LRP5: variants seen among roughly 807,000 people sequenced by gnomAD.
LRP5 encodes low-density lipoprotein receptor-related protein 5.
A neutral mutation model predicts 154.1 loss-of-function variants in LRP5; 62 were observed. That is an observed-to-expected ratio of 0.40 (90% CI 0.33 to 0.50). The LOEUF (loss-of-function observed/expected upper bound fraction) is 0.50. Among genes scored for constraint, LRP5 ranks in the 20% least tolerant of loss-of-function variants. The pLI, the probability that LRP5 is intolerant of heterozygous loss-of-function variation, is 0.55. For missense variants in LRP5, 1,915 were observed against 2,336.7 expected (o/e 0.82, Z 3.72); for synonymous variants, 966 against 1,011.5 (o/e 0.96, Z 0.85).
intron 1 of LRP5, among the ~76,000 whole-genome samples, chr11:68,322,925 G>A (rs1250191368): frequency 6.6e-6 from 1 of 152,240 alleles, no homozygotes; most frequent in Non-Finnish European, 1.5e-5. Flanking sequence ...CCGGGTCCAC[G>A]TGGTACCCAC....
chr11:68,306,682 C>T, the LRP5 span, among the ~76,000 whole-genome samples: 1 of 152,218 alleles, frequency 6.6e-6, no homozygotes, highest in Non-Finnish European at 1.5e-5. Flanking sequence ...ATGTCAACTC[C>T]TTCATCTGCA....
At chr11:68,444,465 C>T (rs543239901) in intron 21 of LRP5, among the ~76,000 whole-genome samples, 83 of 152,074 alleles carry the variant, frequency 5.5e-4, no homozygotes, top group African/African-American at 1.9e-3. Context: ...TGTAGTGAGC[C>T]GAGATCATGC....
Position 68,342,737 on chromosome 11 carries a change from GC to G in LRP5, c.92-5108del, listed in dbSNP as rs1648181155. ...CTGCCGCTCCTGCCCGGCTCTCCTG[GC>G]CTCCCCCGGTGTGGGTTGGGAAAAG... On this transcript the variant is annotated intron_variant, in intron 1 of 22. Transcript: ENST00000294304. Among the ~76,000 whole-genome samples the G allele has an allele frequency of 3.3e-5, 5 of 152,222 alleles. No homozygotes were observed. The South Asian group carries it at 1.0e-3, about 31-fold the overall frequency.
intron 13 of LRP5, among the ~76,000 whole-genome samples, chr11:68,422,898 C>T (rs2098666627): frequency 6.6e-6 from 1 of 151,794 alleles, no homozygotes; most frequent in Non-Finnish European, 1.5e-5. Context: ...TCACCTAACC[C>T]CCACCCTCAC....
chr11:68,439,597 C>T (rs1462532691), intron 20 of LRP5, among the ~76,000 whole-genome samples, 180 bp from the exon 21 acceptor site: 1 of 152,180 alleles, frequency 6.6e-6, no homozygotes, highest in Admixed American at 6.5e-5. Context: ...CCCCGGGGAG[C>T]TCACTCTAGT....
At chr11:68,414,735 T>C (rs2098661550) in intron 12 of LRP5, among the ~76,000 whole-genome samples, 1 of 152,164 alleles carries the variant, frequency 6.6e-6, no homozygotes, top group African/African-American at 2.4e-5. Flanking sequence ...CCAGGCCCCG[T>C]TGGAGTCTCA....
Position 68,413,773 on chromosome 11 carries a change from G to A in LRP5, c.2588G>A (p.Trp863Ter). 6.2e-7 allele frequency: 1 copy of A among 1,613,342 alleles called. No homozygotes were observed. Among genetic ancestry groups the A allele is most frequent in the Non-Finnish European group, 8.5e-7 (1 of 1,179,554 alleles). ...AGCGATTATATCTACTGGACAGACT[G>A]GAATCTGCACAGCATTGAGCGGGCC... ...QYSDYIYWTD[W>*]NLHSIERADK... Residue 863 changes from tryptophan to a stop codon, truncating the protein, a stop_gained, in exon 12 of 23, where the codon TGG becomes TAG. Coordinates refer to ENST00000294304, the MANE Select transcript of LRP5 (RefSeq NM_002335.4). LOFTEE classifies it high-confidence loss of function. This position sits in a 1 kb window ranked among gnomAD's most constrained non-coding sequence, Gnocchi z 5.1.
At chr11:68,363,430 G>C (rs575902613) in intron 3 of LRP5, among the ~76,000 whole-genome samples, 5 of 152,202 alleles carry the variant, frequency 3.3e-5, no homozygotes, top group Non-Finnish European at 7.3e-5. Context: ...GCTGAGGTGG[G>C]TGGATCACCT....
At chr11:68,406,444 A>T in intron 8 of LRP5, 80 bp from the exon 9 acceptor site, 1 of 1,450,262 alleles carries the variant, frequency 6.9e-7, no homozygotes, top group Non-Finnish European at 9.7e-7. Context: ...TCACGGCAGC[A>T]TTCATTGTGT....
In LRP5 at chr11:68,413,861, C is replaced by A. The variant is rs761518661; in HGVS notation, c.2676C>A (p.Ile892=). Residue 892 remains isoleucine (I), a synonymous_variant, in exon 12 of 23, where the codon ATC becomes ATA. Coordinates refer to ENST00000294304, the MANE Select transcript of LRP5 (RefSeq NM_002335.4). This position sits in a 1 kb window ranked among gnomAD's most constrained non-coding sequence, Gnocchi z 5.1. ...IQGHLDFVMD[I]LVFHSSRQDG... The stretch of plus-strand genomic sequence containing the variant: ...GCCACCTGGACTTCGTGATGGACAT[C>A]CTGGTGTTCCACTCCTCCCGCCAGG... 1.2e-6 allele frequency: 2 copies of A among 1,613,564 alleles called. No homozygotes were observed. Among genetic ancestry groups the A allele is most frequent in the Non-Finnish European group, 1.7e-6 (2 of 1,180,038 alleles).
chr11:68,355,097 A>G (rs931184069), intron 2 of LRP5, among the ~76,000 whole-genome samples: 1 of 152,194 alleles, frequency 6.6e-6, no homozygotes, highest in South Asian at 2.1e-4. Context: ...TCAAGGAAGC[A>G]TGGCCCCCTG....
At chr11:68,390,117 T>C (rs1565068319) in intron 7 of LRP5, 65 bp downstream of exon 7, 2 of 1,586,288 alleles carry the variant, frequency 1.3e-6, no homozygotes, top group Non-Finnish European at 1.7e-6. Flanking sequence ...CAGCCAGATG[T>C]ACGTATTGGC....
At chr11:68,388,955 T>C (rs1313644525) in intron 6 of LRP5, among the ~76,000 whole-genome samples, 2 of 152,186 alleles carry the variant, frequency 1.3e-5, no homozygotes, top group Non-Finnish European at 2.9e-5. Context: ...AACACCGACA[T>C]TGACCGACAC....
rs140529294 is a variant in LRP5 at position 68,325,960 on chromosome 11, C to T, written c.91+13155C>T. 3.1e-3 allele frequency among the ~76,000 whole-genome samples: 466 copies of T among 152,312 alleles called. 4 individuals carry two copies. The highest frequency in any genetic ancestry group is 0.01 in the African/African-American group (425 of 41,568). On this transcript the variant is annotated intron_variant, in intron 1 of 22. Transcript: ENST00000294304. ...GCAATTGTTACTCCATAGTGACGACCCCCCGGGGACTCTGGACTTGTTCAG... is the reference window on the plus strand; with the variant it reads ...GCAATTGTTACTCCATAGTGACGACTCCCCGGGGACTCTGGACTTGTTCAG...
At chr11:68,444,293 T>C (rs2098680269) in intron 21 of LRP5, among the ~76,000 whole-genome samples, 2 of 152,094 alleles carry the variant, frequency 1.3e-5, no homozygotes, top group African/African-American at 4.8e-5. Flanking sequence ...GGCGGGTGGA[T>C]CACCTGAGGT....
chr11:68,404,495 G>A (rs1233770972), intron 8 of LRP5: 1 of 489,510 alleles, frequency 2.0e-6, no homozygotes, highest in Non-Finnish European at 4.1e-6. Flanking sequence ...CGAGGGAGCT[G>A]GGAATTGAGG....
At chr11:68,359,616 T>G (rs2098626004) in intron 3 of LRP5, among the ~76,000 whole-genome samples, 1 of 152,118 alleles carries the variant, frequency 6.6e-6, no homozygotes, top group Non-Finnish European at 1.5e-5. Context: ...CCAGGGACGT[T>G]TATCAGTTCA....
chr11:68,412,642 C>G (rs76671823), intron 11 of LRP5, among the ~76,000 whole-genome samples: 1 of 149,516 alleles, frequency 6.7e-6, no homozygotes, highest in Non-Finnish European at 1.5e-5. Context: ...GAGACCGTCT[C>G]CAAAAAAAAA....
chr11:68,303,632 T>C, the LRP5 span, among the ~76,000 whole-genome samples: 17 of 152,202 alleles, frequency 1.1e-4, no homozygotes, highest in African/African-American at 4.1e-4. Flanking sequence ...TAGCTGGGAC[T>C]ACAGGTCTGC....
Sources: gnomAD v4.1 joint callset for allele counts (sites outside exome capture counted in the v4.1 genomes callset) on GRCh38, gnomAD v4.1.1 for gene constraint, Gnocchi (gnomAD v3.1) non-coding constraint, MANE v1.5 for transcripts, NCBI Gene and HGNC (gene_info 2026-07-23, HGNC 2026-07-21) for gene names.